The following SLC4A4 variants were observed in gnomAD, a reference collection of about 807,000 sequenced individuals.
The protein encoded by SLC4A4 is electrogenic sodium bicarbonate cotransporter 1.
In SLC4A4, 27 loss-of-function variants were observed where a neutral mutation model predicts 111.5. That is an observed-to-expected ratio of 0.24 (90% CI 0.18 to 0.33). SLC4A4 has a LOEUF of 0.33. Ranked by LOEUF, SLC4A4 falls within the 10% of genes least tolerant of loss-of-function variation. The probability of loss-of-function intolerance (pLI) is 1.00; values close to 1 mark genes in which losing one functional copy is unlikely to be tolerated. For synonymous variants in SLC4A4, 443 were observed against 463.4 expected (o/e 0.96, Z 0.57); for missense variants, 909 against 1,315.5 (o/e 0.69, Z 4.78).
intron 2 of SLC4A4, among the ~76,000 whole-genome samples, chr4:71,096,994 TATAAC>T (rs1245961336): frequency 4.6e-4 from 70 of 152,336 alleles, no homozygotes; most frequent in African/African-American, 1.5e-3. Context: ...ACAAAATACA[TATAAC>T]ATAAAATTTG....
intron 16 of SLC4A4, among the ~76,000 whole-genome samples, chr4:71,528,012 C>T (rs1299715585): frequency 6.6e-6 from 1 of 151,970 alleles, no homozygotes; most frequent in East Asian, 1.9e-4. Flanking sequence ...CTAGAGTAGC[C>T]AGTGAAGTAG....
rs1729607496 is a variant in SLC4A4, at chr4:71,349,331, A to C, written c.390-581A>C. 1.3e-5 allele frequency among the ~76,000 whole-genome samples: 2 copies of C among 152,198 alleles called. 1 individual carries two copies. The highest frequency in any genetic ancestry group is 2.9e-5 in the Non-Finnish European group (2 of 68,036). ...AAATCACAATAAGAGGGGAATATGC[A>C]TCAGCTGAGATATGTATATTAAAGG... On this transcript the variant is annotated intron_variant, in intron 4 of 25. Coordinates refer to ENST00000264485, the MANE Select transcript of SLC4A4 (RefSeq NM_001098484.3).
intron 2 of SLC4A4, among the ~76,000 whole-genome samples, chr4:71,122,875 T>C (rs552242091): frequency 6.6e-6 from 1 of 152,152 alleles, no homozygotes; most frequent in Non-Finnish European, 1.5e-5. Flanking sequence ...AACAGGTGAC[T>C]AAGAAACAGT....
At chr4:71,384,399 T>C (rs1367481504) in intron 6 of SLC4A4, among the ~76,000 whole-genome samples, 2 of 152,074 alleles carry the variant, frequency 1.3e-5, no homozygotes, top group East Asian at 1.9e-4. Context: ...ACTGCTAGAG[T>C]TGTGGGTGTC....
At chr4:71,192,465 G>A (rs552208684) in intron 1 of SLC4A4, among the ~76,000 whole-genome samples, 115 of 152,270 alleles carry the variant, frequency 7.6e-4, no homozygotes, top group African/African-American at 2.7e-3. Context: ...CTACAAAGTA[G>A]AAGACGAAAA....
At chr4:71,142,348 G>A (rs985909221) in intron 2 of SLC4A4, among the ~76,000 whole-genome samples, 3 of 152,126 alleles carry the variant, frequency 2.0e-5, no homozygotes. Flanking sequence ...CAGCTTCAGA[G>A]GAGAAAGAGT....
intron 7 of SLC4A4, among the ~76,000 whole-genome samples, chr4:71,399,923 C>G (rs758669903): frequency 6.6e-6 from 1 of 152,128 alleles, no homozygotes. Flanking sequence ...GGAAGAAGAG[C>G]ATTTAAATAT....
At chr4:71,459,789 C>T (rs972301588) in intron 12 of SLC4A4, among the ~76,000 whole-genome samples, 9 of 152,016 alleles carry the variant, frequency 5.9e-5, no homozygotes, top group South Asian at 2.1e-4. Flanking sequence ...CTACCAATAA[C>T]GGACAAGGAT....
At chr4:71,159,965 G>T (rs1744576036) in intron 2 of SLC4A4, among the ~76,000 whole-genome samples, 1 of 152,122 alleles carries the variant, frequency 6.6e-6, no homozygotes, top group South Asian at 2.1e-4. Flanking sequence ...AGAAAAGAAA[G>T]ATGTGTATTT....
chr4:71,516,080 CTTTTTTTTTTTTTTTT>C (rs60338885), intron 16 of SLC4A4, among the ~76,000 whole-genome samples: 4 of 30,610 alleles, frequency 1.3e-4, no homozygotes, highest in East Asian at 1.2e-3. Flanking sequence ...TGGGGGATTT[CTTTTTTTTTTTTTTTT>C]TTTTTTTTTT....
chr4:71,252,246 T>C (rs968926595), intron 2 of SLC4A4, among the ~76,000 whole-genome samples: 2 of 152,222 alleles, frequency 1.3e-5, no homozygotes, highest in African/African-American at 2.4e-5. Context: ...TTACTTTCGG[T>C]GTTTTGGTTA....
chr4:71,427,609 C>G (rs1361082492), intron 7 of SLC4A4, among the ~76,000 whole-genome samples: 1 of 152,042 alleles, frequency 6.6e-6, no homozygotes, highest in Non-Finnish European at 1.5e-5. Flanking sequence ...TGTCTAACAA[C>G]TTCTGATTAA....
chr4:71,272,875 A>G (rs1352891070), intron 3 of SLC4A4, among the ~76,000 whole-genome samples: 1 of 152,206 alleles, frequency 6.6e-6, no homozygotes, highest in African/African-American at 2.4e-5. Flanking sequence ...AATTGATTTG[A>G]ACAAATTTAA....
intron 1 of SLC4A4, among the ~76,000 whole-genome samples, chr4:71,092,271 G>A (rs78712659): frequency 6.6e-6 from 1 of 152,048 alleles, no homozygotes; most frequent in South Asian, 2.1e-4. Flanking sequence ...ACTTAGAGAA[G>A]TAAAATTCAT....
chr4:71,430,178 A>G (rs1723510347), intron 7 of SLC4A4, among the ~76,000 whole-genome samples: 1 of 152,084 alleles, frequency 6.6e-6, no homozygotes, highest in South Asian at 2.1e-4. Context: ...CCCATTGGAC[A>G]GTGTACTTTT....
intron 2 of SLC4A4, among the ~76,000 whole-genome samples, chr4:71,119,433 G>A (rs1484709200): frequency 1.3e-5 from 2 of 151,980 alleles, no homozygotes; most frequent in African/African-American, 2.4e-5. Flanking sequence ...TCAGGCTGGA[G>A]TGCAGTGGCA....
In SLC4A4 at chr4:71,277,074, C is replaced by T. The variant is rs566988676; in HGVS notation, c.253+21675C>T. Among the ~76,000 whole-genome samples the T allele has an allele frequency of 2.4e-4, 36 of 152,078 alleles. No individual in the cohort carries two copies. In the South Asian group the frequency reaches 7.5e-3, roughly 32 times the overall value. On this transcript the variant is annotated intron_variant, in intron 3 of 25. Transcript: ENST00000264485. Reference sequence around the variant, plus strand: ...AAAAACAAAAAACAAAACAAAACAACCCCAAAACAAATAAAGCTGCTATGA... The same window carrying T: ...AAAAACAAAAAACAAAACAAAACAATCCCAAAACAAATAAAGCTGCTATGA...
At chr4:71,183,594 A>C (rs1013073732), upstream of SLC4A4, among the ~76,000 whole-genome samples, 1 of 152,194 alleles carries the variant, frequency 6.6e-6, no homozygotes, top group Non-Finnish European at 1.5e-5. Flanking sequence ...ATATCTATCT[A>C]TCTTTCATCC....
chr4:71,330,739 G>T (rs13138752), intron 3 of SLC4A4, among the ~76,000 whole-genome samples: 1 of 151,920 alleles, frequency 6.6e-6, no homozygotes, highest in African/African-American at 2.4e-5. Flanking sequence ...CAAATGGGAT[G>T]TAATTAAACT....
Sources: allele counts gnomAD v4.1 joint callset (sites outside exome capture counted in the v4.1 genomes callset), GRCh38; gene constraint gnomAD v4.1.1; transcripts MANE v1.5; gene names NCBI Gene and HGNC (gene_info 2026-07-23, HGNC 2026-07-21).